Variants in GPLD1 observed in about 807,000 individuals in gnomAD.
GPLD1 encodes glycosylphosphatidylinositol specific phospholipase D1.
Under a neutral mutation model 112.6 loss-of-function variants are expected in GPLD1, and 84 were observed. That is an observed-to-expected ratio of 0.75 (90% CI 0.63 to 0.89). The LOEUF is 0.89. Among genes scored for constraint, GPLD1 ranks in the 40% least tolerant of loss-of-function variants. The pLI, the probability that GPLD1 is intolerant of heterozygous loss-of-function variation, is 0.00. For missense variants in GPLD1, 1,044 were observed against 1,051.5 expected, an observed-to-expected ratio of 0.99 and a Z score of 0.10; for synonymous variants, 386 against 403.8, an observed-to-expected ratio of 0.96 and a Z score of 0.53.
chr6:24,460,771 G>C, intron 11 of GPLD1, among the ~76,000 whole-genome samples: 1 of 140,260 alleles, frequency 7.1e-6, no homozygotes, highest in South Asian at 2.2e-4. Context: ...ACGGAGTCTT[G>C]CTCTGTCACC....
intron 3 of GPLD1, among the ~76,000 whole-genome samples, chr6:24,478,229 T>C (rs1764086526): frequency 6.6e-6 from 1 of 152,112 alleles, no homozygotes; most frequent in South Asian, 2.1e-4. Context: ...AAATTAGAAA[T>C]AATAGGTTAG....
At chr6:24,435,149 C>G (rs1240178494) in intron 22 of GPLD1, among the ~76,000 whole-genome samples, 1 of 151,396 alleles carries the variant, frequency 6.6e-6, no homozygotes, top group Non-Finnish European at 1.5e-5. Flanking sequence ...GTAGCTGGGA[C>G]TACAGGCGCC....
At position 24,454,124 on chromosome 6, in the gene GPLD1, C is replaced by T. The variant is rs138334478; in HGVS notation, c.1226G>A (p.Gly409Asp). ...VVGAPGYSRP[G>D]HIHIGRVYLI... ...GTACACGCGCCCGATGTGGATGTGG[C>T]CGGGGCGGCTGTAGCCTGGTGCGCC... The change falls in exon 14 of 25, where the codon GGC becomes GAC. Residue 409 changes from glycine (G) to aspartate (D), a missense_variant. Coordinates refer to ENST00000230036, the MANE Select transcript of GPLD1 (RefSeq NM_001503.4). 1.9e-6 allele frequency: 3 copies of T among 1,613,894 alleles called. No individual in the cohort carries two copies. In the African/African-American group the frequency reaches 4.0e-5, roughly 22 times the overall value.
intron 20 of GPLD1, among the ~76,000 whole-genome samples, chr6:24,443,841 G>C (rs146208435): frequency 2.4e-4 from 37 of 151,882 alleles, no homozygotes; most frequent in Admixed American, 2.3e-3. Flanking sequence ...TGGCTAATTT[G>C]TGTATTTTTA....
rs1764014405 is a variant in GPLD1 at position 24,476,279 on chromosome 6, CT to C, written c.233-2del. 2 of 1,496,978 alleles carry C rather than the reference CT, an allele frequency of 1.3e-6. No homozygotes were observed. The highest frequency in any genetic ancestry group is 2.8e-5 in the African/African-American group (2 of 72,426). 92.7% of individuals were successfully genotyped at this position (1,496,978 alleles called of 1,614,324 possible). ...CTCTCAGACACATCATGGAATTTTC[CT>C]GACAAAACAAAAGCAGGGCTCTAGA... On this transcript the variant is annotated splice_acceptor_variant, in intron 3 of 24. Coordinates refer to ENST00000230036, the MANE Select transcript of GPLD1 (RefSeq NM_001503.4). LOFTEE classifies it high-confidence loss of function.
At chr6:24,454,237 T>C in intron 13 of GPLD1, 36 bp from the exon 14 acceptor site, 2 of 1,501,652 alleles carry the variant, frequency 1.3e-6, no homozygotes, top group Non-Finnish European at 1.8e-6. Flanking sequence ...TGGTATGCAC[T>C]GAGCACTAGG....
chr6:24,431,028 G>A (rs1042776760), intron 24 of GPLD1, among the ~76,000 whole-genome samples: 6 of 152,152 alleles, frequency 3.9e-5, no homozygotes, highest in Non-Finnish European at 7.4e-5. Context: ...CCTAATTTTT[G>A]AAACAAATAA....
chr6:24,462,771 A>T lies in GPLD1; in HGVS notation c.846T>A (p.Pro282=), dbSNP rs769243040. 1.9e-6 allele frequency: 3 copies of T among 1,613,354 alleles called. No homozygotes were observed. The Admixed American group carries it at 5.0e-5, about 27-fold the overall frequency. ...GTSDCNLPEN[P]LFIACGGQQN... is the part of the protein sequence containing the mutation. ...GCTGGCCGCCACATGCAATGAACAGAGGGTTCTCAGGCAGGTTGCAGTCAC... is the reference window on the plus strand; with the variant it reads ...GCTGGCCGCCACATGCAATGAACAGTGGGTTCTCAGGCAGGTTGCAGTCAC... The change falls in exon 11 of 25, where the codon CCT becomes CCA. Residue 282 remains proline, a synonymous_variant. Transcript: ENST00000230036.
Position 24,495,112 on chromosome 6 carries a change from C to CCGGCCCGGCCCAG in GPLD1, n.81_93dup, listed in dbSNP as rs1481291533. Reference sequence around the variant, plus strand: ...CTGGTCCCTGCCTCCGGGCCTGCGCCCGGCCCGGCCCAGCTCCGCTGCTAC... The same window carrying CCGGCCCGGCCCAG: ...CTGGTCCCTGCCTCCGGGCCTGCGCCCGGCCCGGCCCAGCGGCCCGGCCCAGCTCCGCTGCTAC... On this transcript the variant is annotated non_coding_transcript_exon_variant, in exon 1 of 11. Transcript: ENST00000474784. 1 of 1,310,908 alleles carries CCGGCCCGGCCCAG rather than the reference C, an allele frequency of 7.6e-7. No homozygotes were observed. The highest frequency in any genetic ancestry group is 1.5e-5 in the African/African-American group (1 of 64,624). The allele number at this position is 1,310,908 out of a possible 1,614,324, so 81.2% of individuals were successfully genotyped here. A position where few individuals can be genotyped will look rare whatever the true frequency, so the allele number is the denominator to read the frequency against.
Position 24,428,877 on chromosome 6 carries a change from T to C in GPLD1, c.*155A>G, listed in dbSNP as rs373301278. On this transcript the variant is annotated 3_prime_UTR_variant, in exon 25 of 25. Transcript: ENST00000230036. ...TACTGTATCAGATTTCCAGAGGGTG[T>C]GGCTGTTAGTGTGTCTCTCTACTCC... 12 of 504,266 alleles carry C rather than the reference T, an allele frequency of 2.4e-5. No individual in the cohort carries two copies. The highest frequency in any genetic ancestry group is 9.4e-5 in the East Asian group (3 of 31,890). The allele number at this position is 504,266 out of a possible 1,614,324, so 31.2% of individuals were successfully genotyped here.
chr6:24,474,684 G>A (rs1763948706), intron 5 of GPLD1, among the ~76,000 whole-genome samples: 1 of 152,198 alleles, frequency 6.6e-6, no homozygotes, highest in Non-Finnish European at 1.5e-5. Context: ...GCTTATGCCT[G>A]TTATCCCAGC....
At chr6:24,473,985 G>C (rs541046774) in intron 5 of GPLD1, among the ~76,000 whole-genome samples, 3 of 151,988 alleles carry the variant, frequency 2.0e-5, no homozygotes, top group Non-Finnish European at 4.4e-5. Flanking sequence ...AATTGGCCGG[G>C]CATGGTGGCG....
chr6:24,446,299 G>A (rs375143071), intron 18 of GPLD1, among the ~76,000 whole-genome samples: 6 of 151,666 alleles, frequency 4.0e-5, no homozygotes, highest in Admixed American at 2.0e-4. Flanking sequence ...AGTTTGAGAC[G>A]AGCCTGGGCA....
Position 24,428,080 on chromosome 6 carries a change from A to G in GPLD1, c.*952T>C, listed in dbSNP as rs552343479. 1 of 152,148 alleles carries G rather than the reference A, an allele frequency of 6.6e-6. No individual in the cohort carries two copies. The highest frequency in any genetic ancestry group is 2.4e-5 in the African/African-American group (1 of 41,526). The allele number at this position is 152,148 out of a possible 1,614,324, so 9.4% of individuals were successfully genotyped here. A position where few individuals can be genotyped will look rare whatever the true frequency, so the allele number is the denominator to read the frequency against. ...CCTAAAATAAAAGTTAAAAAGGACT[A>G]AGTCACAAGTGATTTGGAATGTGAG... On this transcript the variant is annotated 3_prime_UTR_variant, in exon 25 of 25. Transcript: ENST00000230036.
intron 2 of GPLD1, among the ~76,000 whole-genome samples, chr6:24,482,437 C>T (rs57279588): frequency 0.03 from 4,285 of 144,838 alleles, 124 homozygotes; most frequent in African/African-American, 0.088. Context: ...CCGGTCACCA[C>T]GCCCAGCTAA....
At chr6:24,477,490 G>T (rs1764058062) in intron 3 of GPLD1, among the ~76,000 whole-genome samples, 1 of 152,024 alleles carries the variant, frequency 6.6e-6, no homozygotes, top group South Asian at 2.1e-4. Context: ...AGGCTGAAGT[G>T]GGAGGACCCC....
chr6:24,479,462 A>G (rs1046967251), intron 3 of GPLD1, among the ~76,000 whole-genome samples: 9 of 152,218 alleles, frequency 5.9e-5, no homozygotes, highest in Non-Finnish European at 1.3e-4. Context: ...GCCAAGGACA[A>G]TCCAGTCTAG....
intron 24 of GPLD1, among the ~76,000 whole-genome samples, 182 bp downstream of exon 24, chr6:24,433,004 GA>G (rs1326097456): frequency 2.0e-5 from 3 of 152,212 alleles, no homozygotes; most frequent in Non-Finnish European, 4.4e-5. Context: ...GATAAAATAG[GA>G]AGAGTAAAAA....
At position 24,427,845 on chromosome 6, in the gene GPLD1, C is replaced by CAAAAAAAAAA. The variant is rs72112585; in HGVS notation, c.*1177_*1186dup. On this transcript the variant is annotated 3_prime_UTR_variant, in exon 25 of 25. Coordinates refer to ENST00000230036, the MANE Select transcript of GPLD1 (RefSeq NM_001503.4). ...TGGGCAACAGAGCAAGACTCCGTCT[C>CAAAAAAAAAA]AAAAAAAAAAAAAAAAAAAAAGGAC... is the stretch of plus-strand genomic sequence containing the variant. Among the ~76,000 whole-genome samples, 2 of 87,634 alleles carry CAAAAAAAAAA rather than the reference C, an allele frequency of 2.3e-5. No homozygotes were observed. The highest frequency in any genetic ancestry group is 5.4e-5 in the African/African-American group (1 of 18,656). 57.5% of individuals were successfully genotyped at this position (87,634 alleles called of 152,430 possible).
Sources: gnomAD v4.1 joint callset for allele counts (sites outside exome capture counted in the v4.1 genomes callset) on GRCh38, gnomAD v4.1.1 for gene constraint, MANE v1.5 for transcripts, NCBI Gene and HGNC (gene_info 2026-07-23, HGNC 2026-07-21) for gene names.